ZC3H12B: variants seen among roughly 807,000 people sequenced by gnomAD.
ZC3H12B encodes probable ribonuclease ZC3H12B.
Under a neutral mutation model 43.9 loss-of-function variants are expected in ZC3H12B, and 7 were observed. That is an observed-to-expected ratio of 0.16 (90% CI 0.09 to 0.30). The LOEUF (loss-of-function observed/expected upper bound fraction) is 0.30. Ranked by LOEUF, ZC3H12B falls within the 10% of genes least tolerant of loss-of-function variation. The pLI is 1.00. For missense variants in ZC3H12B, 475 were observed against 670.2 expected (o/e 0.71, Z 3.22); for synonymous variants, 222 against 241.7 (o/e 0.92, Z 0.76).
chrX:65,448,983 A>AAGAAAGAAAGAAAGAAAGAAAGAAAGAG (rs1402616904), intron 3 of ZC3H12B, among the ~76,000 whole-genome samples: 1 of 95,235 alleles, frequency 1.1e-5, no homozygotes, highest in African/African-American at 5.1e-5. Context: ...AAGAAAGAGA[A>AAGAAAGAAAGAAAGAAAGAAAGAAAGAG]AGAAAGAAAG....
the ZC3H12B span, among the ~76,000 whole-genome samples, chrX:65,237,358 C>G: frequency 9.0e-6 from 1 of 111,201 alleles, no homozygotes; most frequent in African/African-American, 3.3e-5. Flanking sequence ...TGTGGTTTCA[C>G]TCTCTGCTTG....
At chrX:65,110,643 G>C in the ZC3H12B span, among the ~76,000 whole-genome samples, 1 of 111,136 alleles carries the variant, frequency 9.0e-6, no homozygotes, top group African/African-American at 3.3e-5. Context: ...ACACAATCTT[G>C]ATTACTGTTC....
At chrX:65,148,804 G>T in the ZC3H12B span, among the ~76,000 whole-genome samples, 25 of 111,757 alleles carry the variant, frequency 2.2e-4, no homozygotes, top group Non-Finnish European at 9.4e-5. Context: ...TTTAGTTCTT[G>T]TGAAGATGTT....
the ZC3H12B span, among the ~76,000 whole-genome samples, chrX:65,345,880 A>G: frequency 8.9e-6 from 1 of 111,732 alleles, no homozygotes. Context: ...CAATAGTCAC[A>G]CAAAAATATT....
At chrX:65,452,033 G>C (rs1169255311) in intron 3 of ZC3H12B, among the ~76,000 whole-genome samples, 1 of 111,592 alleles carries the variant, frequency 9.0e-6, no homozygotes, top group Non-Finnish European at 1.9e-5. Context: ...AGTAAATCTT[G>C]AAGAGCCAGT....
At chrX:65,407,290 G>A (rs1426637149) in intron 3 of ZC3H12B, among the ~76,000 whole-genome samples, 2 of 102,666 alleles carry the variant, frequency 1.9e-5, no homozygotes, top group Non-Finnish European at 4.0e-5. Flanking sequence ...GCGGCCATTT[G>A]CGGGACTGCT....
chrX:65,397,700 C>T (rs2066717079), intron 2 of ZC3H12B, among the ~76,000 whole-genome samples: 1 of 111,445 alleles, frequency 9.0e-6, no homozygotes, highest in South Asian at 3.7e-4. Flanking sequence ...ACCTGAAAGC[C>T]TTTCTTCTAA....
At chrX:65,148,438 C>T in the ZC3H12B span, among the ~76,000 whole-genome samples, 1 of 111,574 alleles carries the variant, frequency 9.0e-6, no homozygotes, top group African/African-American at 3.3e-5. Flanking sequence ...CCAGTCTGGT[C>T]CTGGGGCATG....
the ZC3H12B span, among the ~76,000 whole-genome samples, chrX:65,114,182 G>A: frequency 9.5e-6 from 1 of 105,617 alleles, no homozygotes; most frequent in African/African-American, 3.4e-5. Flanking sequence ...AAAGATTTTT[G>A]TATTTTGTTC....
At chrX:65,207,612 A>T in the ZC3H12B span, among the ~76,000 whole-genome samples, 4 of 108,969 alleles carry the variant, frequency 3.7e-5, no homozygotes, top group Admixed American at 3.0e-4. Context: ...AGGTAGTGTG[A>T]TGCCTCCAGC....
the ZC3H12B span, among the ~76,000 whole-genome samples, chrX:65,347,308 G>T: frequency 9.0e-6 from 1 of 111,302 alleles, no homozygotes; most frequent in Non-Finnish European, 1.9e-5. Flanking sequence ...GAGACCAAAG[G>T]TAGATAAAAC....
chrX:65,215,823 A>T, the ZC3H12B span, among the ~76,000 whole-genome samples: 1 of 111,768 alleles, frequency 8.9e-6, no homozygotes, highest in Non-Finnish European at 1.9e-5. Context: ...TTAAAGTGAG[A>T]GATGTGCTAT....
At chrX:65,373,948 TA>T (rs367843896) in intron 2 of ZC3H12B, among the ~76,000 whole-genome samples, 161 of 786 alleles carry the variant, frequency 0.2, 2 homozygotes, top group South Asian at 0.31. Flanking sequence ...TATATATAGT[TA>T]TATATATATA....
the ZC3H12B span, among the ~76,000 whole-genome samples, chrX:65,071,191 T>C: frequency 9.0e-6 from 1 of 110,768 alleles, no homozygotes; most frequent in Non-Finnish European, 1.9e-5. Context: ...AGTTGTACCC[T>C]TTACCATTAT....
the ZC3H12B span, among the ~76,000 whole-genome samples, chrX:65,321,217 A>G: frequency 8.9e-6 from 1 of 112,107 alleles, no homozygotes; most frequent in Non-Finnish European, 1.9e-5. Context: ...TCAATTAAAA[A>G]GTGGACAAAG....
chrX:65,083,204 A>G, the ZC3H12B span, among the ~76,000 whole-genome samples: 4 of 111,382 alleles, frequency 3.6e-5, no homozygotes, highest in Non-Finnish European at 7.5e-5. Flanking sequence ...TCGGGAATGC[A>G]ACAAGGATGC....
At chrX:65,443,022 G>A (rs1242179096) in intron 3 of ZC3H12B, among the ~76,000 whole-genome samples, 1 of 111,083 alleles carries the variant, frequency 9.0e-6, no homozygotes, top group Non-Finnish European at 1.9e-5. Flanking sequence ...TAATAAGGAG[G>A]GGGTGCAGAA....
At chrX:65,412,627 C>G (rs1333715725) in intron 3 of ZC3H12B, among the ~76,000 whole-genome samples, 2 of 110,595 alleles carry the variant, frequency 1.8e-5, no homozygotes, top group African/African-American at 6.6e-5. Context: ...ACCACCACAT[C>G]CAGCTAATTT....
chrX:65,374,581 G>A (rs183584478), intron 2 of ZC3H12B, among the ~76,000 whole-genome samples: 2 of 109,863 alleles, frequency 1.8e-5, no homozygotes, highest in East Asian at 5.7e-4. Context: ...TTCATAAGAA[G>A]AAAAAATCAG....
Sources: allele counts gnomAD v4.1 joint callset (sites outside exome capture counted in the v4.1 genomes callset), GRCh38; gene constraint gnomAD v4.1.1; transcripts MANE v1.5; gene names NCBI Gene and HGNC (gene_info 2026-07-23, HGNC 2026-07-21).